Variants in ZNF711 observed in about 807,000 individuals in gnomAD.
ZNF711 encodes ZFX family zinc finger ZNF711.
Under a neutral mutation model 43.5 loss-of-function variants are expected in ZNF711, and 3 were observed. That is an observed-to-expected ratio of 0.07 (90% CI 0.03 to 0.18). The LOEUF is 0.18. ZNF711 is among the 10% of genes least tolerant of loss of function. The pLI is 1.00. For missense variants in ZNF711, 412 were observed against 604.0 expected, an observed-to-expected ratio of 0.68 and a Z score of 3.33; for synonymous variants, 209 against 207.7, an observed-to-expected ratio of 1.01 and a Z score of -0.06.
At chrX:85,263,064 T>A (rs1044670756) in intron 5 of ZNF711, among the ~76,000 whole-genome samples, 5 of 110,450 alleles carry the variant, frequency 4.5e-5, no homozygotes, top group African/African-American at 1.6e-4. Context: ...ATATATATAA[T>A]AAGGAGGAGT....
In ZNF711 at chrX:85,255,417, A is replaced by C. The variant is rs1342833660; in HGVS notation, c.238A>C (p.Thr80Pro). 1 of 1,209,734 alleles carries C rather than the reference A, an allele frequency of 8.3e-7. No individual in the cohort carries two copies. Among genetic ancestry groups the C allele is most frequent in the Non-Finnish European group, 1.1e-6 (1 of 895,231 alleles). The change falls in exon 5 of 11, where the codon ACT becomes CCT. Residue 80 changes from threonine to proline, a missense_variant. Thr to Pro is a conservative substitution (Grantham distance 38). Coordinates refer to ENST00000674551, the MANE Select transcript of ZNF711 (RefSeq NM_001330574.2). ...VVHGPDIITE[T>P]DVVTEGVIVP... is the part of the protein sequence containing the mutation. ...CCATGGACCTGATATCATCACAGAG[A>C]CTGATGTAGTAACAGAAGGTGTGAT...
rs12560186 is a variant in ZNF711, at chrX:85,265,053, T to C, written c.779-65T>C. 0.16 allele frequency: 152,867 copies of C among 983,017 alleles called. 10,165 individuals are homozygous for C. Among genetic ancestry groups the C allele is most frequent in the African/African-American group, 0.4 (20,421 of 51,101 alleles). 81.0% of individuals were successfully genotyped at this position (983,017 alleles called of 1,213,427 possible). Reference sequence around the variant, plus strand: ...TCTAAGAAATATTTCTATATATTCTTCTTATTAATTTAGGTGGTTATTCCA... The same window carrying C: ...TCTAAGAAATATTTCTATATATTCTCCTTATTAATTTAGGTGGTTATTCCA... On this transcript the variant is annotated intron_variant, in intron 6 of 10. Coordinates refer to ENST00000674551, the MANE Select transcript of ZNF711 (RefSeq NM_001330574.2).
intron 5 of ZNF711, among the ~76,000 whole-genome samples, chrX:85,261,382 T>A (rs191855590): frequency 1.6e-4 from 18 of 111,216 alleles, no homozygotes; most frequent in African/African-American, 5.2e-4. Context: ...ATATTTTTAG[T>A]TTTCTTGGGT....
intron 4 of ZNF711, among the ~76,000 whole-genome samples, chrX:85,251,961 G>A (rs771011170): frequency 1.3e-4 from 14 of 111,316 alleles, no homozygotes; most frequent in Non-Finnish European, 1.7e-4. Context: ...GAGGATAATC[G>A]CACTCACCTT....
intron 5 of ZNF711, among the ~76,000 whole-genome samples, chrX:85,260,204 T>C (rs1569265536): frequency 9.0e-6 from 1 of 111,355 alleles, no homozygotes; most frequent in East Asian, 2.8e-4. Flanking sequence ...TTTATTGATA[T>C]GCATATGTTG....
rs150975824 is a variant in ZNF711 at position 85,270,061 on chromosome X, A to T, written c.1161A>T (p.Gln387His). The T allele has an allele frequency of 6.6e-6, 8 of 1,208,550 alleles. No homozygotes were observed. In the African/African-American group the frequency reaches 1.1e-4, roughly 16 times the overall value. ...GTAGTACAGCAGCACAGTACCTTCA[A>T]ATTTGTGACGGCATTAATACAAATA... ...SRSSTAAQYL[Q>H]ICDGINTNKV... Residue 387 changes from glutamine (Q) to histidine (H), a missense_variant, in exon 10 of 11, where the codon CAA becomes CAT. Gln to His is a conservative substitution (Grantham distance 24, BLOSUM62 0). This residue lies in a region of ZNF711 where 375 missense variants were observed against 514.2 expected (regional missense o/e 0.73). Transcript: ENST00000674551.
intron 10 of ZNF711, 94 bp downstream of exon 10, chrX:85,270,240 C>A: frequency 2.2e-6 from 2 of 919,322 alleles, no homozygotes; most frequent in Non-Finnish European, 3.0e-6. Flanking sequence ...CTTGGCAGTT[C>A]TACTCTCCAT....
At chrX:85,266,101 A>G (rs1258862171) in intron 7 of ZNF711, among the ~76,000 whole-genome samples, 1 of 111,193 alleles carries the variant, frequency 9.0e-6, no homozygotes, top group Non-Finnish European at 1.9e-5. Context: ...TATGCTGAGA[A>G]AAACACAATA....
chrX:85,260,920 T>G (rs1320705945), intron 5 of ZNF711, among the ~76,000 whole-genome samples: 3 of 111,506 alleles, frequency 2.7e-5, no homozygotes, highest in Non-Finnish European at 5.7e-5. Flanking sequence ...CCAATAACAG[T>G]CAATTAACAT....
chrX:85,251,218 G>C, intron 4 of ZNF711, among the ~76,000 whole-genome samples: 1 of 107,652 alleles, frequency 9.3e-6, no homozygotes, highest in Non-Finnish European at 1.9e-5. Flanking sequence ...AAGGTTCTTG[G>C]TTGATACAAT....
intron 6 of ZNF711, 31 bp from the exon 7 acceptor site, chrX:85,265,087 C>T: frequency 8.4e-7 from 1 of 1,184,196 alleles, no homozygotes; most frequent in Middle Eastern, 2.4e-4. Context: ...CATGATACTT[C>T]TCTATTTTAA....
intron 9 of ZNF711, among the ~76,000 whole-genome samples, chrX:85,268,815 C>G (rs1366917381): frequency 9.0e-6 from 1 of 110,753 alleles, no homozygotes; most frequent in Non-Finnish European, 1.9e-5. Context: ...GTGTTGTTCT[C>G]TAGTTGATCT....
intron 5 of ZNF711, among the ~76,000 whole-genome samples, chrX:85,261,763 C>T (rs933777030): frequency 9.0e-6 from 1 of 110,955 alleles, no homozygotes; most frequent in African/African-American, 3.3e-5. Flanking sequence ...CAGAAGAATT[C>T]TGTGGTGGTT....
chrX:85,260,565 T>TC (rs1930542356), intron 5 of ZNF711, among the ~76,000 whole-genome samples: 1 of 104,244 alleles, frequency 9.6e-6, no homozygotes, highest in Non-Finnish European at 2.0e-5. Flanking sequence ...TAGAACTTTT[T>TC]CATCACCACA....
chrX:85,270,044 G>A lies in ZNF711; in HGVS notation c.1144G>A (p.Ala382Thr). ...AGCATTAGAAAGCAGAAGTAGTACAGCAGCACAGTACCTTCAAATTTGTGA... is the reference window on the plus strand; with the variant it reads ...AGCATTAGAAAGCAGAAGTAGTACAACAGCACAGTACCTTCAAATTTGTGA... ...DSALESRSSTAAQYLQICDGI... is the reference protein window; with the variant it reads ...DSALESRSSTTAQYLQICDGI... Residue 382 changes from alanine (A) to threonine (T), a missense_variant, in exon 10 of 11, where the codon GCA (alanine) becomes ACA (threonine). Transcript: ENST00000674551. 1 of 1,208,450 alleles carries A rather than the reference G, an allele frequency of 8.3e-7. No individual in the cohort carries two copies. The highest frequency in any genetic ancestry group is 1.1e-6 in the Non-Finnish European group (1 of 894,384).
intron 8 of ZNF711, among the ~76,000 whole-genome samples, chrX:85,267,913 G>C (rs910330257): frequency 9.0e-6 from 1 of 110,912 alleles, no homozygotes; most frequent in Non-Finnish European, 1.9e-5. Context: ...GATGGTCCAG[G>C]TATACTCTTT....
At chrX:85,248,902 C>T (rs1929290535) in intron 4 of ZNF711, among the ~76,000 whole-genome samples, 1 of 111,687 alleles carries the variant, frequency 9.0e-6, no homozygotes, top group African/African-American at 3.3e-5. Flanking sequence ...TCAGTAAAGC[C>T]GTATTCTAGT....
At chrX:85,244,909 A>G (rs1353116683) in intron 1 of ZNF711, 1 of 111,773 alleles carries the variant, frequency 8.9e-6, no homozygotes, top group Non-Finnish European at 1.9e-5. Flanking sequence ...GAGGAGGGGA[A>G]AGGGTATTCT....
Position 85,247,156 on chromosome X carries a change from C to T in ZNF711, c.-59C>T, listed in dbSNP as rs1929106771. 3.4e-6 allele frequency: 1 copy of T among 294,809 alleles called. No individual in the cohort carries two copies. Among genetic ancestry groups the T allele is most frequent in the Non-Finnish European group, 5.9e-6 (1 of 169,720 alleles). The allele number at this position is 294,809 out of a possible 1,213,427, so 24.3% of individuals were successfully genotyped here. ...TGGATGAGAGCCAGTGGATGAAATT[C>T]ACTAATACTAGACATCTGAGTCCTC... On this transcript the variant is annotated 5_prime_UTR_variant, in exon 3 of 11. Coordinates refer to ENST00000674551, the MANE Select transcript of ZNF711 (RefSeq NM_001330574.2).
Sources: gnomAD v4.1 joint callset for allele counts (sites outside exome capture counted in the v4.1 genomes callset) on GRCh38, gnomAD v4.1.1 for gene constraint, gnomAD v4.1.1 regional missense constraint, MANE v1.5 for transcripts, NCBI Gene and HGNC (gene_info 2026-07-23, HGNC 2026-07-21) for gene names.